Variants in GLIS3 observed in about 807,000 individuals in gnomAD.
GLIS3 encodes the protein zinc finger protein GLIS3.
In GLIS3, 53 loss-of-function variants were observed where a neutral mutation model predicts 78.6. The ratio of observed to expected loss-of-function variants is 0.67; its 90% CI spans 0.54 to 0.85. GLIS3 has a LOEUF of 0.85. Among genes scored for constraint, GLIS3 ranks in the 40% least tolerant of loss-of-function variants. GLIS3 has a pLI of 0.00. For missense variants in GLIS3, 1,703 were observed against 1,231.1 expected, an observed-to-expected ratio of 1.38 and a Z score of -5.74; for synonymous variants, 684 against 509.9, an observed-to-expected ratio of 1.34 and a Z score of -4.60.
chr9:4,083,806 T>C (rs1016675716), intron 4 of GLIS3, among the ~76,000 whole-genome samples: 28 of 152,228 alleles, frequency 1.8e-4, no homozygotes, highest in Admixed American at 1.8e-3. Context: ...CTATGCAAGA[T>C]GACCAGCTAA....
At chr9:4,353,993 ATTT>A in the GLIS3 span, among the ~76,000 whole-genome samples, 2 of 135,728 alleles carry the variant, frequency 1.5e-5, no homozygotes, top group African/African-American at 2.7e-5. Flanking sequence ...ACACCCGGCT[ATTT>A]TTTTTTTTTT....
At chr9:4,094,855 T>C (rs1386080320) in intron 4 of GLIS3, among the ~76,000 whole-genome samples, 1 of 152,204 alleles carries the variant, frequency 6.6e-6, no homozygotes, top group Non-Finnish European at 1.5e-5. Flanking sequence ...TGCAAAGATA[T>C]TTGCTATATA....
the GLIS3 span, among the ~76,000 whole-genome samples, chr9:4,412,048 C>T: frequency 6.6e-6 from 1 of 152,128 alleles, no homozygotes; most frequent in Non-Finnish European, 1.5e-5. Context: ...AATCCTTTAA[C>T]AAAATTATCC....
intron 2 of GLIS3, among the ~76,000 whole-genome samples, chr9:4,140,141 T>C (rs998153860): frequency 4.2e-4 from 64 of 152,250 alleles, no homozygotes; most frequent in African/African-American, 1.3e-3. Flanking sequence ...CTGGACAACA[T>C]GGCGAAACGC....
At chr9:4,144,014 G>C (rs1050843335) in intron 2 of GLIS3, among the ~76,000 whole-genome samples, 1 of 152,192 alleles carries the variant, frequency 6.6e-6, no homozygotes, top group African/African-American at 2.4e-5. Context: ...AGTATGGAAA[G>C]ATTTTCCCAT....
At chr9:4,404,001 C>A in the GLIS3 span, among the ~76,000 whole-genome samples, 2 of 151,956 alleles carry the variant, frequency 1.3e-5, no homozygotes, top group African/African-American at 4.8e-5. Context: ...TATAAAGGCA[C>A]ACATAGGCTG....
At chr9:4,195,841 T>C (rs369371196) in intron 2 of GLIS3, among the ~76,000 whole-genome samples, 8 of 152,258 alleles carry the variant, frequency 5.3e-5, no homozygotes, top group African/African-American at 1.9e-4. Context: ...AACACACCAG[T>C]GTTCTGTGTC....
chr9:4,172,799 T>C (rs1816487453), intron 2 of GLIS3, among the ~76,000 whole-genome samples: 1 of 152,160 alleles, frequency 6.6e-6, no homozygotes, highest in Non-Finnish European at 1.5e-5. Flanking sequence ...GACTGCAAGC[T>C]CCTTGCAAGC....
intron 2 of GLIS3, among the ~76,000 whole-genome samples, chr9:4,242,993 C>A (rs1823461811): frequency 6.6e-6 from 1 of 151,876 alleles, no homozygotes; most frequent in Admixed American, 6.6e-5. Flanking sequence ...AAAAGCTCTG[C>A]CTTGTATGTA....
intron 8 of GLIS3, among the ~76,000 whole-genome samples, chr9:3,874,818 T>C (rs1397572739): frequency 6.6e-6 from 1 of 152,196 alleles, no homozygotes; most frequent in Non-Finnish European, 1.5e-5. Flanking sequence ...TTTTTCCTTA[T>C]ATTTACACTT....
chr9:4,359,193 C>T, the GLIS3 span, among the ~76,000 whole-genome samples: 14 of 152,058 alleles, frequency 9.2e-5, no homozygotes, highest in African/African-American at 2.4e-4. Flanking sequence ...CGTTCAGGAA[C>T]GCCCACCGCT....
intron 2 of GLIS3, among the ~76,000 whole-genome samples, chr9:4,318,063 AG>A (rs1366891311): frequency 6.6e-6 from 1 of 152,216 alleles, no homozygotes; most frequent in African/African-American, 2.4e-5. Flanking sequence ...GGAATGTCAA[AG>A]TAAGTTATTT....
chr9:4,122,643 C>G (rs1220985253), intron 3 of GLIS3, among the ~76,000 whole-genome samples: 1 of 152,158 alleles, frequency 6.6e-6, no homozygotes, highest in Non-Finnish European at 1.5e-5. Context: ...GAAATATTTG[C>G]AGGTAGTTTA....
chr9:4,162,197 T>C (rs745698265), intron 2 of GLIS3, among the ~76,000 whole-genome samples: 3 of 152,326 alleles, frequency 2.0e-5, no homozygotes, highest in Non-Finnish European at 4.4e-5. Flanking sequence ...TGCATTCTTG[T>C]CTCTGTGTCC....
chr9:4,355,136 A>AAT, the GLIS3 span, among the ~76,000 whole-genome samples: 2,350 of 151,464 alleles, frequency 0.016, 68 homozygotes, highest in African/African-American at 0.054. Context: ...CATCTCGAAA[A>AAT]AAAAAAGAAA....
At chr9:4,479,912 T>G in the GLIS3 span, among the ~76,000 whole-genome samples, 1 of 147,386 alleles carries the variant, frequency 6.8e-6, no homozygotes, top group African/African-American at 2.5e-5. Flanking sequence ...TTCTTTTTTT[T>G]TTTTTTTTTT....
rs546994621 is a variant in GLIS3 at position 4,137,937 on chromosome 9, T to G, written c.389-11996A>C. On this transcript the variant is annotated intron_variant, in intron 2 of 10. Transcript: ENST00000381971. ...TCCCAGGGGAAGTAAGCAGATACAT[T>G]TGTTAACTAAGCAAACAAGTACTCT... Among the ~76,000 whole-genome samples the G allele has an allele frequency of 3.3e-5, 5 of 152,338 alleles. No homozygotes were observed. In the East Asian group the frequency reaches 9.6e-4, roughly 29 times the overall value.
At chr9:4,116,233 T>C (rs982737594) in intron 4 of GLIS3, among the ~76,000 whole-genome samples, 5 of 152,196 alleles carry the variant, frequency 3.3e-5, no homozygotes, top group Non-Finnish European at 7.4e-5. Context: ...AACTAAAAGG[T>C]TGGACTGTTT....
chr9:4,019,273 G>C lies in GLIS3; in HGVS notation c.1711-82084C>G, dbSNP rs373364883. 4.6e-5 allele frequency among the ~76,000 whole-genome samples: 7 copies of C among 152,142 alleles called. No homozygotes were observed. In the East Asian group the frequency reaches 7.7e-4, roughly 17 times the overall value. On this transcript the variant is annotated intron_variant, in intron 4 of 10. Coordinates refer to ENST00000381971, the MANE Select transcript of GLIS3 (RefSeq NM_001042413.2). Reference sequence around the variant, plus strand: ...TTTGTCCCTCACAATCATCCTCGAGGATCATTAGAAGGTAATGGTGGCCCA... The same window carrying C: ...TTTGTCCCTCACAATCATCCTCGAGCATCATTAGAAGGTAATGGTGGCCCA...
Sources: allele counts gnomAD v4.1 joint callset (sites outside exome capture counted in the v4.1 genomes callset), GRCh38; gene constraint gnomAD v4.1.1; transcripts MANE v1.5; gene names NCBI Gene and HGNC (gene_info 2026-07-23, HGNC 2026-07-21).